The following CHD5 variants were observed in gnomAD, a reference collection of about 807,000 sequenced individuals.
CHD5 encodes chromodomain helicase DNA binding protein 5, also known as ATP-dependent chromatin remodeler CHD5.
CHD5 carries 69 observed loss-of-function variants against 230.3 expected under a neutral mutation model. The observed-to-expected ratio is 0.30, with a 90% confidence interval of 0.25 to 0.37. The LOEUF (loss-of-function observed/expected upper bound fraction) is 0.37. CHD5 is among the 10% of genes least tolerant of loss of function. The probability of loss-of-function intolerance (pLI) is 1.00; values close to 1 mark genes in which losing one functional copy is unlikely to be tolerated. For missense variants in CHD5, 1,827 were observed against 2,622.8 expected (o/e 0.70, Z 6.63); for synonymous variants, 1,064 against 1,065.9 (o/e 1.00, Z 0.03).
At chr1:6,173,261 C>A (rs1470040641) in intron 1 of CHD5, among the ~76,000 whole-genome samples, 7 of 151,990 alleles carry the variant, frequency 4.6e-5, no homozygotes. Context: ...TCCGCCACCA[C>A]ACCCGGCTAA....
At position 6,126,870 on chromosome 1, in the gene CHD5, C is replaced by T; in HGVS notation, c.3904-124G>A. 1.2e-6 allele frequency: 1 copy of T among 826,034 alleles called. No individual in the cohort carries two copies. Among genetic ancestry groups the T allele is most frequent in the East Asian group, 2.7e-5 (1 of 37,516 alleles). 51.2% of individuals were successfully genotyped at this position (826,034 alleles called of 1,614,324 possible). ...GCTCAAGGATTAATGGGATGGCCTG[C>T]CTACTCCAGGAAGCCTTCTCTGATC... On this transcript the variant is annotated intron_variant, in intron 25 of 41. Coordinates refer to ENST00000262450, the MANE Select transcript of CHD5 (RefSeq NM_015557.3). The surrounding 1 kb of genome is among the most constrained non-coding windows in gnomAD (Gnocchi z 5.7).
At position 6,148,770 on chromosome 1, in the gene CHD5, G is replaced by C. The variant is rs1325816285; in HGVS notation, c.1383+84C>G. ...GGAGCCGGCAGGGGCGGGGCCTTTTGAGGAGGGCAGGCCTTCCCCTGGGGG... is the reference window on the plus strand; with the variant it reads ...GGAGCCGGCAGGGGCGGGGCCTTTTCAGGAGGGCAGGCCTTCCCCTGGGGG... On this transcript the variant is annotated intron_variant, in intron 9 of 41. Transcript: ENST00000262450. 4 of 1,183,760 alleles carry C rather than the reference G, an allele frequency of 3.4e-6. No homozygotes were observed. The Admixed American group carries it at 1.5e-4, about 44-fold the overall frequency. The allele number at this position is 1,183,760 out of a possible 1,614,324, so 73.3% of individuals were successfully genotyped here. A position where few individuals can be genotyped will look rare whatever the true frequency, so the allele number is the denominator to read the frequency against.
chr1:6,140,551 T>A (rs1390352744), intron 15 of CHD5, among the ~76,000 whole-genome samples: 1 of 152,088 alleles, frequency 6.6e-6, no homozygotes, highest in Non-Finnish European at 1.5e-5. Context: ...CTCTGTGGGG[T>A]GTGTCTGTTA....
Position 6,129,456 on chromosome 1 carries a change from A to G in CHD5, c.3388-387T>C, listed in dbSNP as rs113846760. 3.5e-3 allele frequency among the ~76,000 whole-genome samples: 529 copies of G among 152,276 alleles called. 3 individuals carry two copies. Among genetic ancestry groups the G allele is most frequent in the African/African-American group, 0.012 (504 of 41,556 alleles). On this transcript the variant is annotated intron_variant, in intron 22 of 41. Coordinates refer to ENST00000262450, the MANE Select transcript of CHD5 (RefSeq NM_015557.3). This position sits in a 1 kb window ranked among gnomAD's most constrained non-coding sequence, Gnocchi z 6.8. ...TGAGCGAACCACTAATGGGACCACA[A>G]GACCATGTGCTGGAGACACGCAGCC...
chr1:6,143,775 G>T, intron 13 of CHD5, 48 bp downstream of exon 13: 1 of 1,532,510 alleles, frequency 6.5e-7, no homozygotes, highest in Non-Finnish European at 9.0e-7. Context: ...TCTGAGGTGG[G>T]CAGGCCCTGG....
intron 20 of CHD5, among the ~76,000 whole-genome samples, chr1:6,132,126 C>G (rs957322226): frequency 4.6e-5 from 7 of 152,170 alleles, no homozygotes; most frequent in East Asian, 3.9e-4. Context: ...ATGCCCACCC[C>G]CTTACTGCCT....
chr1:6,108,917 G>C (rs930988494), intron 38 of CHD5, among the ~76,000 whole-genome samples: 1 of 151,868 alleles, frequency 6.6e-6, no homozygotes, highest in Non-Finnish European at 1.5e-5. Context: ...TGGAGGCATG[G>C]AGGGATGGAG....
At position 6,130,169 on chromosome 1, in the gene CHD5, C is replaced by A; in HGVS notation, c.3387+35G>T. On this transcript the variant is annotated intron_variant, in intron 22 of 41. Transcript: ENST00000262450. The surrounding 1 kb of genome is among the most constrained non-coding windows in gnomAD (Gnocchi z 4.9). Reference sequence around the variant, plus strand: ...CTGCCTGAGGCCCGGGATGAGAGGCCCCCTGGGAGGGTGGTGGGCGGCAGC... The same window carrying A: ...CTGCCTGAGGCCCGGGATGAGAGGCACCCTGGGAGGGTGGTGGGCGGCAGC... 6.2e-7 allele frequency: 1 copy of A among 1,611,516 alleles called. No homozygotes were observed. The highest frequency in any genetic ancestry group is 8.5e-7 in the Non-Finnish European group (1 of 1,178,278).
intron 17 of CHD5, 45 bp from the exon 18 acceptor site, chr1:6,135,448 G>A (rs191074900): frequency 1.9e-6 from 3 of 1,542,098 alleles, no homozygotes; most frequent in Admixed American, 1.8e-5. Context: ...GAGGACCGGG[G>A]CAGGGGAGGC....
At chr1:6,179,452 GC>G (rs1322468121) in intron 1 of CHD5, among the ~76,000 whole-genome samples, 2 of 152,088 alleles carry the variant, frequency 1.3e-5, no homozygotes, top group Non-Finnish European at 2.9e-5. Context: ...CCCAAGCACC[GC>G]CGGTCCTCGC....
chr1:6,154,861 A>G lies in CHD5; in HGVS notation c.544T>C (p.Ser182Pro). Residue 182 changes from serine (S) to proline (P), a missense_variant, in exon 5 of 42, where the codon TCC becomes CCC. Ser to Pro is a moderately conservative substitution (Grantham distance 74). Coordinates refer to ENST00000262450, the MANE Select transcript of CHD5 (RefSeq NM_015557.3). This position sits in a 1 kb window ranked among gnomAD's most constrained non-coding sequence, Gnocchi z 7.0. Reference protein sequence around the residue: ...IAKKNPKIPMSKMMTVLGAKW... With the variant: ...IAKKNPKIPMPKMMTVLGAKW... ...GCACCCAGGACGGTCATCATTTTGGACATGGGGATCTTCGGGTTCTTCTTG... is the reference window on the plus strand; with the variant it reads ...GCACCCAGGACGGTCATCATTTTGGGCATGGGGATCTTCGGGTTCTTCTTG... 1 of 1,613,910 alleles carries G rather than the reference A, an allele frequency of 6.2e-7. No homozygotes were observed.
At chr1:6,119,700 T>C (rs1666435269) in intron 33 of CHD5, among the ~76,000 whole-genome samples, 1 of 151,574 alleles carries the variant, frequency 6.6e-6, no homozygotes, top group Admixed American at 6.6e-5. Context: ...CTAATGCGCA[T>C]ATATATATAC....
intron 20 of CHD5, among the ~76,000 whole-genome samples, chr1:6,132,061 C>T (rs1016326452): frequency 2.0e-5 from 3 of 152,030 alleles, no homozygotes; most frequent in Admixed American, 1.3e-4. Context: ...CGCTGCAGGA[C>T]GAGTGCTCCT....
chr1:6,146,898 TG>T lies in CHD5; in HGVS notation c.1384-28del. On this transcript the variant is annotated intron_variant, in intron 9 of 41. Coordinates refer to ENST00000262450, the MANE Select transcript of CHD5 (RefSeq NM_015557.3). This position sits in a 1 kb window ranked among gnomAD's most constrained non-coding sequence, Gnocchi z 5.1. ...TGTGGACAGAGAAGGGTCCCCAAGGTGGGGCTCAGCTGCAGGGCCCCACCCT... is the reference window on the plus strand; with the variant it reads ...TGTGGACAGAGAAGGGTCCCCAAGGTGGGCTCAGCTGCAGGGCCCCACCCT... 6.9e-7 allele frequency: 1 copy of T among 1,459,744 alleles called. No individual in the cohort carries two copies. Among genetic ancestry groups the T allele is most frequent in the African/African-American group, 1.4e-5 (1 of 70,686 alleles). The allele number at this position is 1,459,744 out of a possible 1,614,324, so 90.4% of individuals were successfully genotyped here.
intron 41 of CHD5, 84 bp downstream of exon 41, chr1:6,106,150 T>C: frequency 7.8e-7 from 1 of 1,278,470 alleles, no homozygotes; most frequent in East Asian, 2.3e-5. Context: ...GGGAGTCAAG[T>C]GCAGGGGCAG....
chr1:6,139,786 A>C (rs1020532688), intron 15 of CHD5, among the ~76,000 whole-genome samples: 5 of 152,226 alleles, frequency 3.3e-5, no homozygotes, highest in Admixed American at 3.3e-4. Context: ...ACTCTTAACA[A>C]TAAAATAGAA....
intron 33 of CHD5, among the ~76,000 whole-genome samples, chr1:6,113,976 G>A (rs1041526852): frequency 1.3e-4 from 20 of 152,314 alleles, no homozygotes; most frequent in South Asian, 2.1e-4. Flanking sequence ...CAGGCCGGGC[G>A]CGGTGGCTCA....
At chr1:6,169,016 C>CAA (rs796551533) in intron 1 of CHD5, among the ~76,000 whole-genome samples, 9 of 98,844 alleles carry the variant, frequency 9.1e-5, no homozygotes, top group African/African-American at 1.5e-4. Flanking sequence ...GAGACTCCAT[C>CAA]AAAAAAAAAA....
Position 6,168,161 on chromosome 1 carries a change from T to G in CHD5, c.196A>C (p.Lys66Gln), listed in dbSNP as rs201480612. Residue 66 changes from lysine (K) to glutamine (Q), a missense_variant, in exon 2 of 42, where the codon AAG (lysine) becomes CAG (glutamine). Around this residue, in one of 14 missense-constraint regions of CHD5, gnomAD observed 113 missense variants for 91.9 expected, o/e 1.23. Coordinates refer to ENST00000262450, the MANE Select transcript of CHD5 (RefSeq NM_015557.3). The stretch of plus-strand genomic sequence containing the variant: ...GTGCTGCCCCTCACCTCTTTCTTCT[T>G]CCGCTTCCCTTTACACTTGTTTTCC... ...LKENKCKGKR[K>Q]KKEGSNDELS... The G allele has an allele frequency of 4.3e-5, 69 of 1,604,974 alleles. No individual in the cohort carries two copies. Among genetic ancestry groups the G allele is most frequent in the Non-Finnish European group, 5.9e-5 (69 of 1,172,892 alleles).
Sources: gnomAD v4.1 joint callset for allele counts (sites outside exome capture counted in the v4.1 genomes callset) on GRCh38, gnomAD v4.1.1 for gene constraint, gnomAD v4.1.1 regional missense constraint, Gnocchi (gnomAD v3.1) non-coding constraint, MANE v1.5 for transcripts, NCBI Gene and HGNC (gene_info 2026-07-23, HGNC 2026-07-21) for gene names.